The following KLF7 variants were observed in gnomAD, a reference collection of about 807,000 sequenced individuals.
The protein encoded by KLF7 is KLF transcription factor 7.
In KLF7, 2 loss-of-function variants were observed where a neutral mutation model predicts 27.3. The ratio of observed to expected loss-of-function variants is 0.07; its 90% CI spans 0.03 to 0.23. The LOEUF is 0.23. KLF7 is among the 10% of genes least tolerant of loss of function. KLF7 has a pLI of 1.00. For missense variants in KLF7, 221 were observed against 394.1 expected, an observed-to-expected ratio of 0.56 and a Z score of 3.72; for synonymous variants, 165 against 162.4, an observed-to-expected ratio of 1.02 and a Z score of -0.12.
At chr2:207,130,082 T>C (rs968639044) in intron 1 of KLF7, among the ~76,000 whole-genome samples, 2 of 152,214 alleles carry the variant, frequency 1.3e-5, no homozygotes, top group African/African-American at 4.8e-5. Flanking sequence ...CCAGTCAGGA[T>C]TGCACACATC....
Position 207,092,708 on chromosome 2 carries a change from G to A in KLF7, c.734-4127C>T, listed in dbSNP as rs144377013. Reference sequence around the variant, plus strand: ...CTTACAGGGTCACTCTCCCTATATCGTGATCATCAGAATTGACTGATCAAA... The same window carrying A: ...CTTACAGGGTCACTCTCCCTATATCATGATCATCAGAATTGACTGATCAAA... On this transcript the variant is annotated intron_variant, in intron 2 of 3. Coordinates refer to ENST00000309446, the MANE Select transcript of KLF7 (RefSeq NM_003709.4). 3.7e-3 allele frequency among the ~76,000 whole-genome samples: 558 copies of A among 152,244 alleles called. 3 individuals carry two copies. The highest frequency in any genetic ancestry group is 0.013 in the African/African-American group (540 of 41,532).
At chr2:207,139,303 T>G (rs2077873883) in intron 1 of KLF7, among the ~76,000 whole-genome samples, 2 of 152,308 alleles carry the variant, frequency 1.3e-5, no homozygotes, top group East Asian at 1.9e-4. Flanking sequence ...TTATCGATAC[T>G]TATCTGGTAA....
chr2:207,122,212 C>A (rs1267596146), intron 2 of KLF7, among the ~76,000 whole-genome samples: 2 of 152,142 alleles, frequency 1.3e-5, no homozygotes, highest in African/African-American at 4.8e-5. Flanking sequence ...GAGTGGTGAA[C>A]TGGAACCCAA....
At chr2:207,097,838 C>T (rs1411663558) in intron 2 of KLF7, among the ~76,000 whole-genome samples, 1 of 152,080 alleles carries the variant, frequency 6.6e-6, no homozygotes, top group African/African-American at 2.4e-5. Flanking sequence ...CAAGGAATGC[C>T]ATAAAATTAT....
At position 207,081,547 on chromosome 2, in the gene KLF7, T is replaced by C. The variant is rs182067594; in HGVS notation, c.858-283A>G. On this transcript the variant is annotated intron_variant, in intron 3 of 3. Transcript: ENST00000309446. ...TAGCATTTACCTCATAGGTGGGTTGTGAGGATTAAATGAGATGATCTATGC... is the reference window on the plus strand; with the variant it reads ...TAGCATTTACCTCATAGGTGGGTTGCGAGGATTAAATGAGATGATCTATGC... Among the ~76,000 whole-genome samples, 9 of 152,250 alleles carry C rather than the reference T, an allele frequency of 5.9e-5. No homozygotes were observed. In the East Asian group the frequency reaches 1.5e-3, roughly 26 times the overall value.
intron 2 of KLF7, chr2:207,121,665 C>T (rs1283880456): frequency 6.6e-6 from 1 of 152,152 alleles, no homozygotes; most frequent in Non-Finnish European, 1.5e-5. Flanking sequence ...AGGAGTCTTT[C>T]CACTTTAGTC....
At chr2:207,095,056 T>TC (rs1031339714) in intron 2 of KLF7, among the ~76,000 whole-genome samples, 25 of 145,456 alleles carry the variant, frequency 1.7e-4, no homozygotes, top group East Asian at 9.9e-4. Flanking sequence ...TTTTTTTTTT[T>TC]CTGAGACGGA....
intron 2 of KLF7, among the ~76,000 whole-genome samples, chr2:207,117,971 T>C (rs1018694086): frequency 1.3e-5 from 2 of 152,146 alleles, no homozygotes; most frequent in African/African-American, 4.8e-5. Flanking sequence ...GTGCCTGACA[T>C]CTATGGGCAC....
At chr2:207,128,685 C>T (rs775619929) in intron 1 of KLF7, among the ~76,000 whole-genome samples, 5 of 152,132 alleles carry the variant, frequency 3.3e-5, no homozygotes, top group Non-Finnish European at 5.9e-5. Flanking sequence ...GATAAGCTGA[C>T]AAGGATACAA....
upstream of KLF7, chr2:207,167,170 C>G: frequency 7.0e-7 from 1 of 1,428,988 alleles, no homozygotes; most frequent in Non-Finnish European, 9.2e-7. Context: ...GTCTGCAGAG[C>G]TTCGATGGTG....
At chr2:207,134,032 C>A in intron 1 of KLF7, 4 of 1,507,338 alleles carry the variant, frequency 2.7e-6, no homozygotes, top group Non-Finnish European at 3.6e-6. Context: ...CACTCACACA[C>A]CCTCCTCAAA....
intron 3 of KLF7, among the ~76,000 whole-genome samples, chr2:207,082,148 A>G (rs566602669): frequency 9.2e-5 from 14 of 152,268 alleles, no homozygotes; most frequent in Middle Eastern, 3.4e-3. Flanking sequence ...GCTATTTGAT[A>G]TTCTCTTGGG....
Position 207,079,902 on chromosome 2 carries a change from G to C in KLF7, c.*1311C>G, listed in dbSNP as rs957688899. On this transcript the variant is annotated 3_prime_UTR_variant, in exon 4 of 4. Transcript: ENST00000309446. The stretch of plus-strand genomic sequence containing the variant: ...ACGTAGGGGAATAGGAGCTCAGTGG[G>C]CATGACAGAGAAGACAGGATGATCT... 1 of 152,228 alleles carries C rather than the reference G, an allele frequency of 6.6e-6. No homozygotes were observed. Among genetic ancestry groups the C allele is most frequent in the Non-Finnish European group, 1.5e-5 (1 of 68,048 alleles). The allele number at this position is 152,228 out of a possible 1,614,324, so 9.4% of individuals were successfully genotyped here. A position where few individuals can be genotyped will look rare whatever the true frequency, so the allele number is the denominator to read the frequency against.
At chr2:207,167,707 AAGGACGCTGCCAGCTAACT>A (rs920639425), upstream of KLF7, among the ~76,000 whole-genome samples, 28 of 152,330 alleles carry the variant, frequency 1.8e-4, no homozygotes, top group African/African-American at 6.3e-4. Flanking sequence ...TTAGATGTGC[AAGGACGCTGCCAGCTAACT>A]AGCTGCACGA....
chr2:207,105,653 T>TTGGG (rs923605461), intron 2 of KLF7, among the ~76,000 whole-genome samples: 2 of 152,186 alleles, frequency 1.3e-5, no homozygotes, highest in African/African-American at 4.8e-5. Flanking sequence ...TGGCTCCATG[T>TTGGG]TGGGCTGTTT....
chr2:207,123,269 T>A (rs970115492), intron 2 of KLF7, among the ~76,000 whole-genome samples: 1 of 152,326 alleles, frequency 6.6e-6, no homozygotes, highest in African/African-American at 2.4e-5. Flanking sequence ...CAATTAATTA[T>A]AGAATGATCA....
At chr2:207,166,930 G>GC, upstream of KLF7, 1 of 868,852 alleles carries the variant, frequency 1.2e-6, no homozygotes, top group African/African-American at 1.8e-5. Context: ...TCCCCGCCCC[G>GC]CCCCGCGGGC....
chr2:207,160,249 C>T (rs988857696), intron 1 of KLF7, among the ~76,000 whole-genome samples: 2 of 152,074 alleles, frequency 1.3e-5, no homozygotes, highest in Non-Finnish European at 2.9e-5. Flanking sequence ...ATCGTTTATG[C>T]TAAGCAAGCA....
intron 1 of KLF7, among the ~76,000 whole-genome samples, chr2:207,146,503 T>C (rs2078100784): frequency 6.6e-6 from 1 of 152,192 alleles, no homozygotes; most frequent in African/African-American, 2.4e-5. Flanking sequence ...CCTTGCTTTA[T>C]GGGATCCTCC....
Sources: gnomAD v4.1 joint callset for allele counts (sites outside exome capture counted in the v4.1 genomes callset) on GRCh38, gnomAD v4.1.1 for gene constraint, MANE v1.5 for transcripts, NCBI Gene and HGNC (gene_info 2026-07-23, HGNC 2026-07-21) for gene names.